The following TTLL5 variants were observed in gnomAD, a reference collection of about 807,000 sequenced individuals.
The protein encoded by TTLL5 is tubulin tyrosine ligase like 5.
TTLL5 carries 132 observed loss-of-function variants against 168.4 expected under a neutral mutation model. The ratio of observed to expected loss-of-function variants is 0.78; its 90% CI spans 0.68 to 0.91. TTLL5 has a LOEUF of 0.91. Ranked by LOEUF, TTLL5 falls within the 40% of genes least tolerant of loss-of-function variation. The pLI, the probability that TTLL5 is intolerant of heterozygous loss-of-function variation, is 0.00. For missense variants in TTLL5, 1,545 were observed against 1,581.5 expected (o/e 0.98, Z 0.39); for synonymous variants, 546 against 558.6 (o/e 0.98, Z 0.32).
chr14:75,662,500 A>ATTT lies in TTLL5; in HGVS notation c.-95-539_-95-537dup, dbSNP rs541035818. On this transcript the variant is annotated intron_variant, in intron 1 of 31. Coordinates refer to ENST00000298832, the MANE Select transcript of TTLL5 (RefSeq NM_015072.5). ...CCAGCACACCCGGCTAATTTTTTGTATTTTTTTTTTTTTTTTTTAGTAAAG... is the reference window on the plus strand; with the variant it reads ...CCAGCACACCCGGCTAATTTTTTGTATTTTTTTTTTTTTTTTTTTTTAGTAAAG... Among the ~76,000 whole-genome samples the ATTT allele has an allele frequency of 2.3e-3, 301 of 133,480 alleles. 1 individual carries two copies. The highest frequency in any genetic ancestry group is 7.3e-3 in the African/African-American group (259 of 35,632). The allele number at this position is 133,480 out of a possible 152,430, so 87.6% of individuals were successfully genotyped here.
intron 3 of TTLL5, among the ~76,000 whole-genome samples, chr14:75,679,673 T>C (rs1884458063): frequency 6.6e-6 from 1 of 152,258 alleles, no homozygotes; most frequent in Non-Finnish European, 1.5e-5. Context: ...CCTTTTAAGC[T>C]CTTAGTGACA....
chr14:75,776,933 T>C (rs1396347092), intron 23 of TTLL5, 83 bp downstream of exon 23: 2 of 1,108,946 alleles, frequency 1.8e-6, no homozygotes, highest in Non-Finnish European at 2.6e-6. Flanking sequence ...CCTTTGTTTC[T>C]GATACATGGA....
chr14:75,827,755 C>G (rs1426411421), intron 28 of TTLL5, among the ~76,000 whole-genome samples: 1 of 107,404 alleles, frequency 9.3e-6, no homozygotes, highest in Non-Finnish European at 1.7e-5. Context: ...AGGTCTCACT[C>G]TGTCACCAGG....
chr14:75,785,023 C>T (rs1457073217), intron 26 of TTLL5, among the ~76,000 whole-genome samples: 1 of 151,834 alleles, frequency 6.6e-6, no homozygotes, highest in Non-Finnish European at 1.5e-5. Flanking sequence ...ATATTTTTTC[C>T]CTACTTGATG....
intron 2 of TTLL5, among the ~76,000 whole-genome samples, chr14:75,665,011 T>C (rs768482922): frequency 6.6e-6 from 1 of 152,246 alleles, no homozygotes; most frequent in Non-Finnish European, 1.5e-5. Context: ...AAATTCTTGC[T>C]GACTGAATAA....
chr14:75,815,403 A>C (rs536078607), intron 27 of TTLL5, among the ~76,000 whole-genome samples: 1 of 152,336 alleles, frequency 6.6e-6, no homozygotes, highest in Admixed American at 6.5e-5. Context: ...TGCATAAAAC[A>C]AAATCACAGT....
At chr14:75,667,084 G>C (rs1330343246) in intron 2 of TTLL5, among the ~76,000 whole-genome samples, 1 of 149,906 alleles carries the variant, frequency 6.7e-6, no homozygotes, top group Admixed American at 6.6e-5. Context: ...TTTTTTAGCT[G>C]ACCTTACTGT....
At chr14:75,760,138 T>C (rs1480552142) in intron 18 of TTLL5, among the ~76,000 whole-genome samples, 5 of 152,186 alleles carry the variant, frequency 3.3e-5, no homozygotes, top group Non-Finnish European at 5.9e-5. Flanking sequence ...GAAGTGAACT[T>C]AGCAAGGTCT....
intron 3 of TTLL5, among the ~76,000 whole-genome samples, chr14:75,678,554 G>A (rs532523731): frequency 6.6e-6 from 1 of 152,168 alleles, no homozygotes; most frequent in South Asian, 2.1e-4. Flanking sequence ...TTAGTCTACT[G>A]TACAGCCATT....
At chr14:75,745,674 T>C in intron 17 of TTLL5, 93 bp downstream of exon 17, 1 of 960,606 alleles carries the variant, frequency 1.0e-6, no homozygotes, top group South Asian at 1.6e-5. Flanking sequence ...CCCCCGATGA[T>C]GCTTTTCTTA....
chr14:75,922,877 T>C (rs1243034820), intron 31 of TTLL5, among the ~76,000 whole-genome samples: 2 of 152,202 alleles, frequency 1.3e-5, no homozygotes, highest in Non-Finnish European at 2.9e-5. Flanking sequence ...TTTTGGTTGG[T>C]AGGCTATTAA....
At chr14:75,777,107 CAGA>C (rs371549594) in intron 23 of TTLL5, among the ~76,000 whole-genome samples, 13 of 152,254 alleles carry the variant, frequency 8.5e-5, no homozygotes, top group African/African-American at 3.1e-4. Flanking sequence ...AAATCATTCT[CAGA>C]AGGAGAAAAG....
At chr14:75,746,821 C>T (rs552935930) in intron 17 of TTLL5, among the ~76,000 whole-genome samples, 2 of 152,252 alleles carry the variant, frequency 1.3e-5, no homozygotes, top group East Asian at 3.9e-4. Context: ...GCCTTGGCCT[C>T]CCAAAGTGCT....
intron 12 of TTLL5, among the ~76,000 whole-genome samples, chr14:75,721,501 G>A (rs1887834178): frequency 6.6e-6 from 1 of 152,186 alleles, no homozygotes; most frequent in South Asian, 2.1e-4. Flanking sequence ...AGGTAGTAAG[G>A]ATATGAGAGT....
At chr14:75,811,171 G>GTGTGTGTGTGTGTGTGTGTGTGTGTA (rs1566614304) in intron 27 of TTLL5, among the ~76,000 whole-genome samples, 2 of 146,952 alleles carry the variant, frequency 1.4e-5, no homozygotes, top group African/African-American at 5.0e-5. Flanking sequence ...GTGTGTGTGT[G>GTGTGTGTGTGTGTGTGTGTGTGTGTA]TGTGTGTGTG....
At chr14:75,794,731 G>C (rs1892908376) in intron 27 of TTLL5, among the ~76,000 whole-genome samples, 1 of 152,162 alleles carries the variant, frequency 6.6e-6, no homozygotes, top group Non-Finnish European at 1.5e-5. Flanking sequence ...GTAATAGGGT[G>C]GTCAGTACTG....
At chr14:75,731,561 T>G (rs1414216637) in intron 12 of TTLL5, among the ~76,000 whole-genome samples, 1 of 152,160 alleles carries the variant, frequency 6.6e-6, no homozygotes, top group African/African-American at 2.4e-5. Context: ...GGTCTTGCTT[T>G]CTCTTTGCAA....
chr14:75,719,151 A>G (rs1056576029), intron 10 of TTLL5, among the ~76,000 whole-genome samples: 1 of 151,912 alleles, frequency 6.6e-6, no homozygotes, highest in Non-Finnish European at 1.5e-5. Context: ...ATACCTCCTC[A>G]CTCTTACTGT....
intron 29 of TTLL5, among the ~76,000 whole-genome samples, chr14:75,873,774 A>G (rs1320712863): frequency 6.6e-6 from 1 of 152,174 alleles, no homozygotes; most frequent in Middle Eastern, 3.2e-3. Context: ...TACATCAATG[A>G]ACACGGATGT....
Sources: allele counts gnomAD v4.1 joint callset (sites outside exome capture counted in the v4.1 genomes callset), GRCh38; gene constraint gnomAD v4.1.1; transcripts MANE v1.5; gene names NCBI Gene and HGNC (gene_info 2026-07-23, HGNC 2026-07-21).